SPATA4: variants seen among roughly 807,000 people sequenced by gnomAD.
SPATA4 encodes spermatogenesis-associated protein 4.
A neutral mutation model predicts 31.8 loss-of-function variants in SPATA4; 35 were observed. The observed-to-expected ratio is 1.10, with a 90% CI of 0.84 to 1.46. SPATA4 has a LOEUF of 1.46. SPATA4 is among the 40% of genes most tolerant of loss of function. The pLI is 0.00. For synonymous variants in SPATA4, 126 were observed against 132.4 expected (o/e 0.95, Z 0.33); for missense variants, 394 against 363.1 (o/e 1.09, Z -0.69).
chr4:176,193,210 G>C (rs1237505448), intron 2 of SPATA4, 134 bp from the exon 3 acceptor site: 1 of 766,364 alleles, frequency 1.3e-6, no homozygotes, highest in Non-Finnish European at 2.1e-6. Context: ...GTTATTAAAA[G>C]ATAATATTCA....
At chr4:176,191,423 A>G (rs1321468545) in intron 4 of SPATA4, among the ~76,000 whole-genome samples, 1 of 152,210 alleles carries the variant, frequency 6.6e-6, no homozygotes, top group Non-Finnish European at 1.5e-5. Context: ...AATTATAAAC[A>G]AAGGCAGCAG....
At chr4:176,194,722 A>ATTTTT (rs56999786) in intron 1 of SPATA4, 6 of 100,384 alleles carry the variant, frequency 6.0e-5, no homozygotes, top group Admixed American at 1.2e-4. Context: ...CCTTACCAGT[A>ATTTTT]TTTTTTTTTT....
chr4:176,191,746 G>A (rs1752536693), intron 4 of SPATA4, among the ~76,000 whole-genome samples: 1 of 152,108 alleles, frequency 6.6e-6, no homozygotes, highest in African/African-American at 2.4e-5. Context: ...TCAAGGAAGA[G>A]AAAACAAAAT....
intron 4 of SPATA4, among the ~76,000 whole-genome samples, chr4:176,190,292 A>C (rs1752508066): frequency 1.3e-5 from 2 of 152,282 alleles, no homozygotes; most frequent in South Asian, 4.1e-4. Context: ...TTTCACTTTA[A>C]TCAATTTAAA....
In SPATA4 at chr4:176,184,872, T is replaced by C. The variant is rs550918092; in HGVS notation, c.826A>G (p.Ser276Gly). Reference protein sequence around the residue: ...PVLPNIGSGGSSHREIHVKQA... With the variant: ...PVLPNIGSGGGSHREIHVKQA... Reference sequence around the variant, plus strand: ...TTCACATGTATTTCTCTATGTGAACTGCCACCACTACCTATATTTGCTGGG... The same window carrying C: ...TTCACATGTATTTCTCTATGTGAACCGCCACCACTACCTATATTTGCTGGG... The change falls in exon 6 of 6, where the codon AGT (serine) becomes GGT (glycine). Residue 276 changes from serine (S) to glycine (G), a missense_variant. Ser to Gly is a moderately conservative substitution (Grantham distance 56). Coordinates refer to ENST00000280191, the MANE Select transcript of SPATA4 (RefSeq NM_144644.4). The C allele has an allele frequency of 1.8e-5, 29 of 1,596,370 alleles. No homozygotes were observed. In the South Asian group the frequency reaches 3.1e-4, roughly 17 times the overall value.
chr4:176,187,985 A>G, intron 5 of SPATA4, 134 bp downstream of exon 5: 1 of 673,978 alleles, frequency 1.5e-6, no homozygotes, highest in Non-Finnish European at 2.6e-6. Flanking sequence ...ACTGCATACC[A>G]GTGTAATTGG....
At chr4:176,190,341 G>C (rs1477026621) in intron 4 of SPATA4, among the ~76,000 whole-genome samples, 19 of 152,112 alleles carry the variant, frequency 1.2e-4, no homozygotes, top group Admixed American at 1.2e-3. Context: ...AAATATAGGA[G>C]GATATATTTA....
At chr4:176,192,577 A>G in intron 4 of SPATA4, 50 bp downstream of exon 4, 3 of 1,493,822 alleles carry the variant, frequency 2.0e-6, no homozygotes, top group Non-Finnish European at 2.8e-6. Flanking sequence ...GTGCTCAAGA[A>G]TAGCCTGATA....
chr4:176,193,733 G>C, intron 1 of SPATA4, 151 bp from the exon 2 acceptor site: 1 of 780,910 alleles, frequency 1.3e-6, no homozygotes, highest in South Asian at 2.7e-5. Flanking sequence ...ACCTACTGTG[G>C]AATTTTGCTA....
At position 176,184,901 on chromosome 4, in the gene SPATA4, T is replaced by A; in HGVS notation, c.806-9A>T. The A allele has an allele frequency of 2.0e-6, 3 of 1,518,830 alleles. No individual in the cohort carries two copies. Among genetic ancestry groups the A allele is most frequent in the Non-Finnish European group, 2.7e-6 (3 of 1,113,252 alleles). The allele number at this position is 1,518,830 out of a possible 1,614,324, so 94.1% of individuals were successfully genotyped here. ...ACCACTACCTATATTTGCTGGGACATTTAAATAAGCAAAATTAAAATCAAT... is the reference window on the plus strand; with the variant it reads ...ACCACTACCTATATTTGCTGGGACAATTAAATAAGCAAAATTAAAATCAAT... On this transcript the variant is annotated splice_polypyrimidine_tract_variant and intron_variant, in intron 5 of 5. Transcript: ENST00000280191.
intron 5 of SPATA4, among the ~76,000 whole-genome samples, chr4:176,186,441 C>A (rs560745640): frequency 6.6e-6 from 1 of 152,346 alleles, no homozygotes; most frequent in South Asian, 2.1e-4. Context: ...GGCTTCACCT[C>A]CCTCCCTGCT....
Position 176,192,708 on chromosome 4 carries a change from T to A in SPATA4, c.607A>T (p.Met203Leu). ...TCCGCTTTAAGTTCATTGGTCAGCA[T>A]GTTGGGATTGCTTAGTAATTCTGAT... The part of the protein sequence containing the change: ...RLSELLSNPN[M>L]LTNELKAEFL... Residue 203 changes from methionine (M) to leucine (L), a missense_variant, in exon 4 of 6, where the codon ATG becomes TTG. By Grantham distance (15) the Met-to-Leu change is conservative (BLOSUM62 2). Coordinates refer to ENST00000280191, the MANE Select transcript of SPATA4 (RefSeq NM_144644.4). 6.2e-7 allele frequency: 1 copy of A among 1,614,142 alleles called. No homozygotes were observed. Among genetic ancestry groups the A allele is most frequent in the South Asian group, 1.1e-5 (1 of 91,080 alleles).
intron 4 of SPATA4, among the ~76,000 whole-genome samples, chr4:176,188,505 A>G (rs561021905): frequency 3.1e-4 from 47 of 152,282 alleles, no homozygotes; most frequent in African/African-American, 1.1e-3. Context: ...AAAAAGGTAA[A>G]CAAACAGTAA....
intron 5 of SPATA4, among the ~76,000 whole-genome samples, chr4:176,187,665 G>C (rs185128316): frequency 6.6e-6 from 1 of 152,296 alleles, no homozygotes; most frequent in East Asian, 1.9e-4. Context: ...CAGGCAACAG[G>C]CTGAATTTGG....
At chr4:176,194,350 C>A (rs1752579381) in intron 1 of SPATA4, 1 of 150,574 alleles carries the variant, frequency 6.6e-6, no homozygotes. Flanking sequence ...TTCGGCATCA[C>A]ACCTCAAACT....
intron 4 of SPATA4, 75 bp downstream of exon 4, chr4:176,192,552 A>T: frequency 7.8e-7 from 1 of 1,286,466 alleles, no homozygotes; most frequent in Non-Finnish European, 1.1e-6. Context: ...GCCAGTGCCG[A>T]CATTTCTTTC....
At position 176,193,092 on chromosome 4, in the gene SPATA4, G is replaced by T. The variant is rs1752559365; in HGVS notation, c.349-16C>A. The T allele has an allele frequency of 1.1e-5, 16 of 1,452,180 alleles. No homozygotes were observed. Among genetic ancestry groups the T allele is most frequent in the Non-Finnish European group, 1.4e-5 (15 of 1,057,012 alleles). The allele number at this position is 1,452,180 out of a possible 1,614,324, so 90.0% of individuals were successfully genotyped here. A position where few individuals can be genotyped will look rare whatever the true frequency, so the allele number is the denominator to read the frequency against. On this transcript the variant is annotated splice_polypyrimidine_tract_variant and intron_variant, in intron 2 of 5. Coordinates refer to ENST00000280191, the MANE Select transcript of SPATA4 (RefSeq NM_144644.4). ...TTGCCAGGAACTTTAATAGTAGAAA[G>T]AAAATGTTTTTATCATAAGAACTTT...
intron 5 of SPATA4, among the ~76,000 whole-genome samples, chr4:176,185,296 C>T (rs1752423150): frequency 6.6e-6 from 1 of 151,424 alleles, no homozygotes; most frequent in Non-Finnish European, 1.5e-5. Flanking sequence ...TCCAGCTAGC[C>T]ACCCAGACTC....
chr4:176,187,094 TG>T (rs534051695), intron 5 of SPATA4, among the ~76,000 whole-genome samples: 106 of 152,286 alleles, frequency 7.0e-4, no homozygotes, highest in Non-Finnish European at 1.2e-3. Flanking sequence ...GTCCTAAATA[TG>T]TCCTCAGAGG....
Sources: allele counts gnomAD v4.1 joint callset (sites outside exome capture counted in the v4.1 genomes callset), GRCh38; gene constraint gnomAD v4.1.1; transcripts MANE v1.5; gene names NCBI Gene and HGNC (gene_info 2026-07-23, HGNC 2026-07-21).